The following CTDSP1 variants were observed in gnomAD, a reference collection of about 807,000 sequenced individuals.
CTDSP1 encodes the protein CTD small phosphatase 1.
In CTDSP1, 15 loss-of-function variants were observed where a neutral mutation model predicts 32.5. That is an observed-to-expected ratio of 0.46 (90% CI 0.31 to 0.71). The LOEUF (loss-of-function observed/expected upper bound fraction) is 0.71, where lower values mean the gene tolerates loss of function less well. Ranked by LOEUF, CTDSP1 falls within the 30% of genes least tolerant of loss-of-function variation. The pLI is 0.05. For synonymous variants in CTDSP1, 185 were observed against 145.4 expected (o/e 1.27, Z -1.96); for missense variants, 294 against 351.1 (o/e 0.84, Z 1.30).
At chr2:218,398,991 C>A (rs187080760), upstream of CTDSP1, 7 of 152,330 alleles carry the variant, frequency 4.6e-5, no homozygotes, top group Admixed American at 4.6e-4. Context: ...CCACCGCGTG[C>A]GGCGCCGTGC....
chr2:218,398,703 G>A (rs921337756), upstream of CTDSP1: 9 of 324,964 alleles, frequency 2.8e-5, no homozygotes, highest in African/African-American at 2.0e-4. Flanking sequence ...ACGGAGGCCC[G>A]CGGGAGAGGG....
At chr2:218,402,284 G>T in intron 3 of CTDSP1, 65 bp from the exon 4 acceptor site, 1 of 1,611,186 alleles carries the variant, frequency 6.2e-7, no homozygotes, top group Non-Finnish European at 8.5e-7. Context: ...TGGGAGGGAG[G>T]TGTGTGCTGG....
At chr2:218,400,670 T>C (rs549461000) in intron 1 of CTDSP1, 1 of 448,226 alleles carries the variant, frequency 2.2e-6, no homozygotes, top group African/African-American at 2.0e-5. Context: ...AAACTTCGCG[T>C]CACGCGTGGA....
upstream of CTDSP1, chr2:218,398,327 T>TA: frequency 8.0e-7 from 1 of 1,257,246 alleles, no homozygotes; most frequent in Non-Finnish European, 1.1e-6. Flanking sequence ...GAGGCCGTTC[T>TA]AAGGGGTAAA....
intron 1 of CTDSP1, chr2:218,400,439 G>A: frequency 1.9e-6 from 1 of 534,552 alleles, no homozygotes; most frequent in Non-Finnish European, 3.4e-6. Flanking sequence ...GGCAGGCATT[G>A]CGTGGTGCAT....
chr2:218,401,817 G>A, intron 2 of CTDSP1, 105 bp downstream of exon 2: 1 of 1,152,122 alleles, frequency 8.7e-7, no homozygotes, highest in Non-Finnish European at 1.2e-6. Context: ...TTGCAGACCT[G>A]AAAGGTGCAG....
chr2:218,401,662 G>C lies in CTDSP1; in HGVS notation c.166G>C (p.Ala56Pro). 6.2e-7 allele frequency: 1 copy of C among 1,609,536 alleles called. No homozygotes were observed. The highest frequency in any genetic ancestry group is 1.1e-5 in the South Asian group (1 of 90,624). ...CCGGGATGATGGGGAGGCCCTGCCT[G>C]CTCACAGCGGGGCGCCCCTGCTTGT... ...VCRDDGEALP[A>P]HSGAPLLVEE... Residue 56 changes from alanine (A) to proline (P), a missense_variant, in exon 2 of 7, where the codon GCT (alanine) becomes CCT (proline). By Grantham distance (27) the Ala-to-Pro change is conservative. This residue lies in a region of CTDSP1 where 148 missense variants were observed against 113.3 expected (regional missense o/e 1.31). Transcript: ENST00000273062.
At position 218,404,544 on chromosome 2, in the gene CTDSP1, G is replaced by A. The variant is rs1697315740; in HGVS notation, c.*119G>A. The A allele has an allele frequency of 9.2e-6, 12 of 1,308,566 alleles. No individual in the cohort carries two copies. Among genetic ancestry groups the A allele is most frequent in the Admixed American group, 6.3e-5 (3 of 47,950 alleles). 81.1% of individuals were successfully genotyped at this position (1,308,566 alleles called of 1,614,324 possible). On this transcript the variant is annotated 3_prime_UTR_variant, in exon 7 of 7. Transcript: ENST00000273062. ...GCCGCCGCCACACTCAGTGCCATGG[G>A]GAAGCGGGCGTCTCCCCCACCAGCC...
intron 2 of CTDSP1, 26 bp from the exon 3 acceptor site, chr2:218,402,085 C>T: frequency 1.3e-6 from 2 of 1,534,580 alleles, no homozygotes; most frequent in Non-Finnish European, 1.8e-6. Context: ...AGAGAGGCAC[C>T]CCAGCCAGCC....
Position 218,404,827 on chromosome 2 carries a change from T to C in CTDSP1, c.*402T>C, listed in dbSNP as rs1310701550. ...TGGGAACGGTGGACATCAAGTGCCT[T>C]GCATAGAGCCCCCTCTTCCCCGCCC... On this transcript the variant is annotated 3_prime_UTR_variant, in exon 7 of 7. Coordinates refer to ENST00000273062, the MANE Select transcript of CTDSP1 (RefSeq NM_021198.3). 1.2e-5 allele frequency: 2 copies of C among 170,660 alleles called. No homozygotes were observed. Among genetic ancestry groups the C allele is most frequent in the African/African-American group, 4.8e-5 (2 of 41,982 alleles). 10.6% of individuals were successfully genotyped at this position (170,660 alleles called of 1,614,324 possible).
At position 218,404,419 on chromosome 2, in the gene CTDSP1, G is replaced by T; in HGVS notation, c.780G>T (p.Gly260=). 6.2e-7 allele frequency: 1 copy of T among 1,614,040 alleles called. No individual in the cohort carries two copies. The highest frequency in any genetic ancestry group is 8.5e-7 in the Non-Finnish European group (1 of 1,179,970). The change falls in exon 7 of 7, where the codon GGG becomes GGT. Residue 260 remains glycine (G), a synonymous_variant. Coordinates refer to ENST00000273062, the MANE Select transcript of CTDSP1 (RefSeq NM_021198.3). ...VYSVLRQPRP[G]S is the part of the protein sequence containing the mutation. ...CAGTGCTCAGGCAGCCACGGCCAGGGAGCTAGTGAGGGTGATGGGGCCAGG... is the reference window on the plus strand; with the variant it reads ...CAGTGCTCAGGCAGCCACGGCCAGGTAGCTAGTGAGGGTGATGGGGCCAGG...
intron 1 of CTDSP1, 59 bp downstream of exon 1, chr2:218,400,216 CG>C (rs997902910): frequency 3.4e-6 from 5 of 1,465,096 alleles, no homozygotes; most frequent in African/African-American, 1.4e-5. Flanking sequence ...GAGAAGGGGC[CG>C]GGATCTTCCC....
At chr2:218,400,526 G>T in intron 1 of CTDSP1, 1 of 388,610 alleles carries the variant, frequency 2.6e-6, no homozygotes, top group Non-Finnish European at 5.0e-6. Context: ...GCCACCCGCT[G>T]AGACTCCGCC....
chr2:218,400,169 G>T lies in CTDSP1; in HGVS notation c.67+12G>T. The T allele has an allele frequency of 6.5e-7, 1 of 1,540,750 alleles. No individual in the cohort carries two copies. The highest frequency in any genetic ancestry group is 1.4e-5 in the African/African-American group (1 of 72,634). On this transcript the variant is annotated intron_variant, in intron 1 of 6. Transcript: ENST00000273062. ...GCTGCGGGGCAAAGGTACCGGGGCT[G>T]CGGGGAGGGGGCCGAAGCCGGGGCG... is the stretch of plus-strand genomic sequence containing the variant.
In CTDSP1 at chr2:218,400,085, G is replaced by T; in HGVS notation, c.-6G>T. 6.9e-7 allele frequency: 1 copy of T among 1,443,930 alleles called. No homozygotes were observed. The allele number at this position is 1,443,930 out of a possible 1,614,324, so 89.4% of individuals were successfully genotyped here. On this transcript the variant is annotated 5_prime_UTR_variant, in exon 1 of 7. Coordinates refer to ENST00000273062, the MANE Select transcript of CTDSP1 (RefSeq NM_021198.3). ...AGTCCGGCCGGAGCGGAGCGCGCCCGGCCCCATGGACAGCTCGGCCGTCAT... is the reference window on the plus strand; with the variant it reads ...AGTCCGGCCGGAGCGGAGCGCGCCCTGCCCCATGGACAGCTCGGCCGTCAT...
intron 6 of CTDSP1, chr2:218,403,677 A>G (rs1162914307): frequency 2.8e-5 from 11 of 396,982 alleles, no homozygotes; most frequent in African/African-American, 1.2e-4. Flanking sequence ...GAAAGTTTCA[A>G]TTTTTCGAAT....
At position 218,402,160 on chromosome 2, in the gene CTDSP1, A is replaced by G; in HGVS notation, c.266A>G (p.Asp89Gly). 1 of 1,613,730 alleles carries G rather than the reference A, an allele frequency of 6.2e-7. No individual in the cohort carries two copies. Among genetic ancestry groups the G allele is most frequent in the Non-Finnish European group, 8.5e-7 (1 of 1,179,958 alleles). The change falls in exon 3 of 7, where the codon GAC becomes GGC. Residue 89 changes from aspartate to glycine, a missense_variant. By Grantham distance (94) the Asp-to-Gly change is moderately conservative. This residue lies in a region of CTDSP1 where 148 missense variants were observed against 113.3 expected (regional missense o/e 1.31). Transcript: ENST00000273062. ...LLPEAKAQDS[D>G]KICVVIDLDE... is the part of the protein sequence containing the mutation. Reference sequence around the variant, plus strand: ...CCTGAGGCCAAGGCCCAGGACTCAGACAAGATCTGCGTGGTCATCGACCTG... The same window carrying G: ...CCTGAGGCCAAGGCCCAGGACTCAGGCAAGATCTGCGTGGTCATCGACCTG...
At chr2:218,402,249 TCGGGGGGCATCCCC>T in intron 3 of CTDSP1, 34 bp downstream of exon 3, 1 of 1,610,668 alleles carries the variant, frequency 6.2e-7, no homozygotes, top group Non-Finnish European at 8.5e-7. Flanking sequence ...AGCCCGGGTC[TCGGGGGGCATCCCC>T]CACCCTGGCC....
At position 218,402,719 on chromosome 2, in the gene CTDSP1, C is replaced by T; in HGVS notation, c.378+314C>T. On this transcript the variant is annotated intron_variant, in intron 4 of 6. Transcript: ENST00000273062. Reference sequence around the variant, plus strand: ...TGTTCTCCATTACTTGGCTCGGGGACCGGTGCCCTGCAGCCTTGGGGTGAG... The same window carrying T: ...TGTTCTCCATTACTTGGCTCGGGGATCGGTGCCCTGCAGCCTTGGGGTGAG... 4.0e-6 allele frequency: 3 copies of T among 758,238 alleles called. No homozygotes were observed. The East Asian group carries it at 7.6e-5, about 19-fold the overall frequency. 47.0% of individuals were successfully genotyped at this position (758,238 alleles called of 1,614,324 possible). A position where few individuals can be genotyped will look rare whatever the true frequency, so the allele number is the denominator to read the frequency against.
Sources: gnomAD v4.1 joint callset for allele counts on GRCh38, gnomAD v4.1.1 for gene constraint, gnomAD v4.1.1 regional missense constraint, MANE v1.5 for transcripts, NCBI Gene and HGNC (gene_info 2026-07-23, HGNC 2026-07-21) for gene names.